The following OSBPL9 variants were observed in gnomAD, a reference collection of about 807,000 sequenced individuals.
OSBPL9 encodes oxysterol-binding protein-related protein 9.
Under a neutral mutation model 106.6 loss-of-function variants are expected in OSBPL9, and 40 were observed. That is an observed-to-expected ratio of 0.38 (90% CI 0.29 to 0.49). The LOEUF (loss-of-function observed/expected upper bound fraction) is 0.49. Among genes scored for constraint, OSBPL9 ranks in the 20% least tolerant of loss-of-function variants. The probability of loss-of-function intolerance (pLI) is 0.97; values close to 1 mark genes in which losing one functional copy is unlikely to be tolerated. For missense variants in OSBPL9, 609 were observed against 887.2 expected, an observed-to-expected ratio of 0.69 and a Z score of 3.98; for synonymous variants, 269 against 295.4, an observed-to-expected ratio of 0.91 and a Z score of 0.92.
At chr1:51,536,730 C>A in the OSBPL9 span, among the ~76,000 whole-genome samples, 1 of 152,086 alleles carries the variant, frequency 6.6e-6, no homozygotes, top group Non-Finnish European at 1.5e-5. Flanking sequence ...TAGTGTCTCC[C>A]CCTGTTTGGC....
chr1:51,711,793 G>C (rs554791497), intron 3 of OSBPL9, among the ~76,000 whole-genome samples: 1 of 150,000 alleles, frequency 6.7e-6, no homozygotes, highest in African/African-American at 2.5e-5. Context: ...GGGCAGAGGC[G>C]CTCCCCACAT....
chr1:51,544,478 G>A, the OSBPL9 span, among the ~76,000 whole-genome samples: 29 of 152,236 alleles, frequency 1.9e-4, no homozygotes, highest in African/African-American at 6.7e-4. Flanking sequence ...ACATTGATTC[G>A]ATCAGCGTGA....
chr1:51,768,986 C>CTGCAGAT (rs1412394859), intron 12 of OSBPL9, among the ~76,000 whole-genome samples: 1 of 152,216 alleles, frequency 6.6e-6, no homozygotes, highest in East Asian at 1.9e-4. Flanking sequence ...CCAGTAAGGA[C>CTGCAGAT]TGCAGATGTT....
intron 3 of OSBPL9, among the ~76,000 whole-genome samples, chr1:51,701,999 A>C (rs1284688074): frequency 6.6e-6 from 1 of 152,212 alleles, no homozygotes; most frequent in East Asian, 1.9e-4. Context: ...ATGGCTGCAT[A>C]GTATTCCATG....
intron 9 of OSBPL9, chr1:51,759,580 G>T (rs1671071308): frequency 6.6e-6 from 1 of 152,076 alleles, no homozygotes; most frequent in South Asian, 2.1e-4. Flanking sequence ...TCAATTAAAG[G>T]TAAAGAACTT....
rs904638617 is a variant in OSBPL9, at chr1:51,788,701, T to C, written c.*912T>C. Among the ~76,000 whole-genome samples, 1 of 152,170 alleles carries C rather than the reference T, an allele frequency of 6.6e-6. No individual in the cohort carries two copies. Among genetic ancestry groups the C allele is most frequent in the African/African-American group, 2.4e-5 (1 of 41,444 alleles). ...CCTACCAACATTTTATCCAAAAATG[T>C]TTTATTGCCTTAGAGGGTTTGGGAA... On this transcript the variant is annotated 3_prime_UTR_variant, in exon 24 of 24. Coordinates refer to ENST00000428468, the MANE Select transcript of OSBPL9 (RefSeq NM_024586.6).
At chr1:51,565,623 T>C in the OSBPL9 span, 1 of 152,184 alleles carries the variant, frequency 6.6e-6, no homozygotes, top group Non-Finnish European at 1.5e-5. Context: ...TTCACAGCAG[T>C]TATATTCCTT....
At position 51,784,574 on chromosome 1, in the gene OSBPL9, C is replaced by T. The variant is rs772419514; in HGVS notation, c.1821C>T (p.Ala607=). Residue 607 remains alanine, a synonymous_variant, in exon 20 of 24, where the codon GCC becomes GCT. Transcript: ENST00000428468. ...FYGGKKHRIT[A]EIFSPNDKKS... ...GGGGCAAGAAGCACAGAATTACTGC[C>T]GAGATTTTGTAGGTATTTTTTCTGC... 2.1e-5 allele frequency: 34 copies of T among 1,613,676 alleles called. No homozygotes were observed. The highest frequency in any genetic ancestry group is 1.6e-4 in the Middle Eastern group (1 of 6,084).
chr1:51,572,765 T>C (rs1040483703), upstream of OSBPL9, among the ~76,000 whole-genome samples: 1 of 152,240 alleles, frequency 6.6e-6, no homozygotes, highest in Admixed American at 6.5e-5. Flanking sequence ...CGGGGATTTG[T>C]GGAAGGGCTT....
intron 8 of OSBPL9, among the ~76,000 whole-genome samples, chr1:51,756,045 G>C (rs1192285199): frequency 3.3e-5 from 5 of 152,182 alleles, no homozygotes; most frequent in African/African-American, 1.2e-4. Flanking sequence ...TTTTGAATGT[G>C]ACTACAGTTC....
the OSBPL9 span, among the ~76,000 whole-genome samples, chr1:51,520,382 A>G: frequency 2.6e-5 from 4 of 152,186 alleles, no homozygotes; most frequent in Non-Finnish European, 5.9e-5. Context: ...TACTTCAAGA[A>G]GCCTTCTAGG....
At chr1:51,562,245 G>C in the OSBPL9 span, among the ~76,000 whole-genome samples, 1 of 152,062 alleles carries the variant, frequency 6.6e-6, no homozygotes, top group African/African-American at 2.4e-5. Flanking sequence ...ATCCCCCCTT[G>C]GTACTGCATA....
At chr1:51,574,689 A>G (rs1025026668), upstream of OSBPL9, among the ~76,000 whole-genome samples, 7 of 152,128 alleles carry the variant, frequency 4.6e-5, no homozygotes, top group African/African-American at 1.4e-4. Context: ...AAAACAAAAG[A>G]AAGGCATGAA....
the OSBPL9 span, chr1:51,563,608 AG>A: frequency 6.6e-6 from 1 of 152,220 alleles, no homozygotes; most frequent in Admixed American, 6.5e-5. Context: ...CCCATTGGAA[AG>A]AGAGACCCCC....
In OSBPL9 at chr1:51,787,429, G is replaced by A. The variant is rs1557883097; in HGVS notation, c.2077G>A (p.Glu693Lys). 1.2e-6 allele frequency: 2 copies of A among 1,613,962 alleles called. No homozygotes were observed. The highest frequency in any genetic ancestry group is 1.7e-6 in the Non-Finnish European group (2 of 1,179,952). Residue 693 changes from glutamate to lysine, a missense_variant, in exon 23 of 24, where the codon GAA (glutamate) becomes AAA (lysine). Transcript: ENST00000428468. ...AACTGAAGCAAAGCACAGGCTTGAAGAAAGACAAAGAGCAGAAGCCCGAGA... is the reference window on the plus strand; with the variant it reads ...AACTGAAGCAAAGCACAGGCTTGAAAAAAGACAAAGAGCAGAAGCCCGAGA... ...AATEAKHRLEERQRAEARERK... is the reference protein window; with the variant it reads ...AATEAKHRLEKRQRAEARERK...
intron 3 of OSBPL9, among the ~76,000 whole-genome samples, chr1:51,673,828 C>G (rs565835419): frequency 1.3e-5 from 2 of 151,868 alleles, no homozygotes; most frequent in Admixed American, 1.3e-4. Flanking sequence ...ATGATCACAC[C>G]TGGTGCATAG....
At chr1:51,587,726 G>T (rs1453702491) in intron 1 of OSBPL9, among the ~76,000 whole-genome samples, 1 of 152,140 alleles carries the variant, frequency 6.6e-6, no homozygotes, top group Non-Finnish European at 1.5e-5. Flanking sequence ...CCTTGCATGT[G>T]CACTTTGTAT....
intron 3 of OSBPL9, among the ~76,000 whole-genome samples, chr1:51,674,751 A>G (rs1228453001): frequency 6.6e-6 from 1 of 152,234 alleles, no homozygotes; most frequent in Non-Finnish European, 1.5e-5. Context: ...TTAGATACAC[A>G]AATACTTACC....
the OSBPL9 span, among the ~76,000 whole-genome samples, chr1:51,551,591 C>T: frequency 1.9e-4 from 28 of 150,168 alleles, no homozygotes; most frequent in Middle Eastern, 3.4e-3. Flanking sequence ...TATTTATTTA[C>T]TTATTTATTT....
Sources: allele counts gnomAD v4.1 joint callset (sites outside exome capture counted in the v4.1 genomes callset), GRCh38; gene constraint gnomAD v4.1.1; transcripts MANE v1.5; gene names NCBI Gene and HGNC (gene_info 2026-07-23, HGNC 2026-07-21).